Variants in ANO1 observed in about 807,000 individuals in gnomAD.
ANO1 encodes anoctamin-1.
Under a neutral mutation model 124.0 loss-of-function variants are expected in ANO1, and 59 were observed. The observed-to-expected ratio is 0.48, with a 90% CI of 0.39 to 0.59. The LOEUF (loss-of-function observed/expected upper bound fraction) is 0.59, where lower values mean the gene tolerates loss of function less well. Among genes scored for constraint, ANO1 ranks in the 20% least tolerant of loss-of-function variants. The probability of loss-of-function intolerance (pLI) is 0.00; values close to 1 mark genes in which losing one functional copy is unlikely to be tolerated. For synonymous variants in ANO1, 529 were observed against 532.0 expected (o/e 0.99, Z 0.08); for missense variants, 1,059 against 1,328.0 (o/e 0.80, Z 3.15).
chr11:70,169,876 G>A (rs111452442), intron 21 of ANO1: 12 of 236,026 alleles, frequency 5.1e-5, no homozygotes, highest in Non-Finnish European at 8.6e-5. Flanking sequence ...CTTGTTTACC[G>A]CCTGGCACCA....
At chr11:69,990,130 A>T (rs1554997275) in intron 1 of ANO1, among the ~76,000 whole-genome samples, 1 of 152,158 alleles carries the variant, frequency 6.6e-6, no homozygotes, top group Non-Finnish European at 1.5e-5. Context: ...TCCATTAAAC[A>T]GTCACTTCCC....
At chr11:70,029,041 G>A (rs1017438803) in intron 1 of ANO1, among the ~76,000 whole-genome samples, 18 of 152,204 alleles carry the variant, frequency 1.2e-4, no homozygotes, top group African/African-American at 4.1e-4. Flanking sequence ...CTCGGCCTCC[G>A]AAAGTGCTGA....
intron 2 of ANO1, among the ~76,000 whole-genome samples, chr11:70,099,705 G>T (rs2515289): frequency 7.2e-5 from 11 of 151,994 alleles, no homozygotes; most frequent in Non-Finnish European, 1.5e-4. Flanking sequence ...GTCTGTGCTT[G>T]CACAGGCAGG....
upstream of ANO1, among the ~76,000 whole-genome samples, chr11:69,985,585 G>A (rs1856023173): frequency 2.6e-5 from 4 of 152,208 alleles, no homozygotes; most frequent in Admixed American, 6.5e-5. Flanking sequence ...GCTGGCTCAA[G>A]GCCCCCTCCT....
chr11:70,174,239 A>G (rs1281357937), intron 22 of ANO1, among the ~76,000 whole-genome samples: 2 of 151,042 alleles, frequency 1.3e-5, no homozygotes, highest in Admixed American at 1.3e-4. Context: ...TGCCTGGCCA[A>G]GCCATTTTTA....
the ANO1 span, among the ~76,000 whole-genome samples, chr11:69,967,538 T>C: frequency 6.6e-6 from 1 of 152,366 alleles, no homozygotes; most frequent in East Asian, 1.9e-4. Context: ...TGCCTTAGTT[T>C]ACCCATCAGT....
chr11:69,988,808 G>T (rs1244965912), intron 1 of ANO1, among the ~76,000 whole-genome samples: 1 of 152,134 alleles, frequency 6.6e-6, no homozygotes, highest in Non-Finnish European at 1.5e-5. Context: ...ACTCACTCCT[G>T]CACAACCCTC....
At chr11:70,081,102 C>A (rs562922936) in intron 1 of ANO1, among the ~76,000 whole-genome samples, 1 of 152,236 alleles carries the variant, frequency 6.6e-6, no homozygotes, top group Admixed American at 6.5e-5. Flanking sequence ...ATTCAGGCTG[C>A]GGTTCCCAGC....
intron 1 of ANO1, among the ~76,000 whole-genome samples, chr11:70,026,239 G>A: frequency 6.9e-6 from 1 of 144,208 alleles, no homozygotes; most frequent in Non-Finnish European, 1.5e-5. Context: ...TAATGATGGT[G>A]GTGGTGATGA....
At chr11:70,008,950 A>T (rs986269465) in intron 1 of ANO1, among the ~76,000 whole-genome samples, 1 of 152,108 alleles carries the variant, frequency 6.6e-6, no homozygotes, top group Non-Finnish European at 1.5e-5. Context: ...TCTGAATGGG[A>T]AAATGTCGAG....
At chr11:70,075,238 A>C (rs2044043240), upstream of ANO1, 1 of 152,158 alleles carries the variant, frequency 6.6e-6, no homozygotes, top group African/African-American at 2.4e-5. Flanking sequence ...TGGAAATAAA[A>C]TATCGTTGAA....
intron 1 of ANO1, among the ~76,000 whole-genome samples, chr11:69,990,409 G>A (rs61885146): frequency 0.085 from 12,864 of 152,232 alleles, 701 homozygotes; most frequent in East Asian, 0.14. Flanking sequence ...ACAGACATGG[G>A]TTATTTCCAC....
chr11:69,989,709 G>A (rs1856117645), intron 1 of ANO1, among the ~76,000 whole-genome samples: 2 of 152,138 alleles, frequency 1.3e-5, no homozygotes, highest in Non-Finnish European at 2.9e-5. Flanking sequence ...AAAGGCTGAT[G>A]GGCCAGGGGC....
chr11:69,968,843 C>T, the ANO1 span, among the ~76,000 whole-genome samples: 4 of 152,300 alleles, frequency 2.6e-5, no homozygotes, highest in Non-Finnish European at 5.9e-5. Context: ...CTACACAGCC[C>T]GCGGACTTTG....
upstream of ANO1, among the ~76,000 whole-genome samples, chr11:69,982,785 C>T (rs1184456836): frequency 1.3e-5 from 2 of 152,150 alleles, no homozygotes; most frequent in African/African-American, 2.4e-5. Flanking sequence ...GCTCCCTTTG[C>T]GCCTCCCATT....
intron 22 of ANO1, among the ~76,000 whole-genome samples, chr11:70,171,783 A>G (rs2048482284): frequency 6.6e-6 from 1 of 152,176 alleles, no homozygotes; most frequent in African/African-American, 2.4e-5. Flanking sequence ...CCTAGGCAAC[A>G]TGACGAAACC....
chr11:69,967,202 GCTA>G, the ANO1 span, among the ~76,000 whole-genome samples: 1 of 148,192 alleles, frequency 6.7e-6, no homozygotes, highest in African/African-American at 2.5e-5. Context: ...TCGCACGTTA[GCTA>G]GCATCAGGCT....
intron 11 of ANO1, among the ~76,000 whole-genome samples, chr11:70,143,592 T>C (rs2047237577): frequency 6.6e-6 from 1 of 152,116 alleles, no homozygotes; most frequent in Non-Finnish European, 1.5e-5. Flanking sequence ...CCTGGGTGAC[T>C]CTGTAGGTCA....
At chr11:70,163,159 C>T (rs1284988155) in intron 18 of ANO1, 124 bp from the exon 19 acceptor site, 15 of 985,572 alleles carry the variant, frequency 1.5e-5, no homozygotes, top group Non-Finnish European at 2.1e-5. Context: ...GGGAGAGCCG[C>T]CTGTAGATAC....
Sources: allele counts gnomAD v4.1 joint callset (sites outside exome capture counted in the v4.1 genomes callset), GRCh38; gene constraint gnomAD v4.1.1; transcripts MANE v1.5; gene names NCBI Gene and HGNC (gene_info 2026-07-23, HGNC 2026-07-21).